Variants in IL1RAPL2 observed in about 807,000 individuals in gnomAD.
The protein encoded by IL1RAPL2 is interleukin 1 receptor accessory protein like 2.
IL1RAPL2 carries 3 observed loss-of-function variants against 44.1 expected under a neutral mutation model. The observed-to-expected ratio is 0.07, with a 90% CI of 0.03 to 0.18. IL1RAPL2 has a LOEUF of 0.18. Ranked by LOEUF, IL1RAPL2 falls within the 10% of genes least tolerant of loss-of-function variation. IL1RAPL2 has a pLI of 1.00. For missense variants in IL1RAPL2, 391 were observed against 496.4 expected (o/e 0.79, Z 2.02); for synonymous variants, 181 against 178.8 (o/e 1.01, Z -0.10).
chrX:104,705,183 G>A (rs751775923), intron 2 of IL1RAPL2, among the ~76,000 whole-genome samples: 1 of 111,600 alleles, frequency 9.0e-6, no homozygotes, highest in African/African-American at 3.2e-5. Flanking sequence ...TTTGATACAG[G>A]TACCATTTGT....
intron 2 of IL1RAPL2, among the ~76,000 whole-genome samples, chrX:104,910,153 A>T (rs1356260942): frequency 1.8e-5 from 2 of 112,336 alleles, no homozygotes; most frequent in East Asian, 5.6e-4. Context: ...TGACTAGGAA[A>T]GGGAACTCCC....
intron 2 of IL1RAPL2, among the ~76,000 whole-genome samples, chrX:104,786,920 TC>T (rs1455522363): frequency 3.9e-4 from 1 of 2,542 alleles, no homozygotes; most frequent in Non-Finnish European, 9.9e-4. Flanking sequence ...TCATTCATAT[TC>T]TCTCTCTCTC....
chrX:105,738,345 C>T (rs921618809), intron 7 of IL1RAPL2, among the ~76,000 whole-genome samples: 2 of 111,090 alleles, frequency 1.8e-5, no homozygotes, highest in African/African-American at 6.5e-5. Context: ...ATTAAGGCAC[C>T]ATTGAGTTAA....
intron 2 of IL1RAPL2, among the ~76,000 whole-genome samples, chrX:105,072,315 C>G (rs1406679215): frequency 9.0e-6 from 1 of 111,562 alleles, no homozygotes; most frequent in Non-Finnish European, 1.9e-5. Context: ...TATAAACTAC[C>G]CAGTCTTGGG....
At chrX:105,437,802 A>G (rs920141798) in intron 5 of IL1RAPL2, among the ~76,000 whole-genome samples, 2 of 111,832 alleles carry the variant, frequency 1.8e-5, no homozygotes, top group African/African-American at 6.5e-5. Flanking sequence ...GGTTAAAAAA[A>G]ATAGTTGAGT....
intron 5 of IL1RAPL2, among the ~76,000 whole-genome samples, chrX:105,291,536 A>G (rs1276517061): frequency 8.9e-6 from 1 of 111,861 alleles, no homozygotes; most frequent in Non-Finnish European, 1.9e-5. Context: ...TAGCTTTATT[A>G]AGGAAGTGAA....
intron 5 of IL1RAPL2, among the ~76,000 whole-genome samples, chrX:105,355,835 G>T (rs752602903): frequency 5.4e-5 from 6 of 111,226 alleles, no homozygotes; most frequent in Non-Finnish European, 9.4e-5. Context: ...ATAAATAGAT[G>T]AATAATCTAT....
chrX:104,909,049 A>T (rs1179794567), intron 2 of IL1RAPL2, among the ~76,000 whole-genome samples: 8 of 110,222 alleles, frequency 7.3e-5, no homozygotes, highest in South Asian at 7.7e-4. Flanking sequence ...ATTTCTTTTT[A>T]TTCTTTTTTC....
intron 1 of IL1RAPL2, among the ~76,000 whole-genome samples, chrX:104,654,592 G>C (rs1228418967): frequency 9.0e-6 from 1 of 111,519 alleles, no homozygotes; most frequent in Middle Eastern, 4.2e-3. Flanking sequence ...CTAATGATTT[G>C]AAATTAGGTA....
intron 6 of IL1RAPL2, among the ~76,000 whole-genome samples, chrX:105,700,073 T>C (rs1209829980): frequency 8.9e-6 from 1 of 111,760 alleles, no homozygotes; most frequent in Non-Finnish European, 1.9e-5. Flanking sequence ...TTTTCATTAA[T>C]TGTGGAAGTG....
At chrX:104,973,939 C>CT (rs1285389146) in intron 2 of IL1RAPL2, among the ~76,000 whole-genome samples, 1 of 111,947 alleles carries the variant, frequency 8.9e-6, no homozygotes, top group Admixed American at 9.5e-5. Context: ...TTATATCTCT[C>CT]TTTTTTACAC....
intron 2 of IL1RAPL2, among the ~76,000 whole-genome samples, chrX:104,730,373 C>CT (rs1295542381): frequency 4.1e-4 from 26 of 63,198 alleles, no homozygotes; most frequent in East Asian, 3.1e-3. Flanking sequence ...TCCCTCCCCT[C>CT]CCCCCCACCC....
At chrX:104,742,499 A>C (rs1932114203) in intron 2 of IL1RAPL2, among the ~76,000 whole-genome samples, 1 of 111,971 alleles carries the variant, frequency 8.9e-6, no homozygotes, top group Non-Finnish European at 1.9e-5. Context: ...ATTTCACAAT[A>C]ATACAGGGCT....
intron 1 of IL1RAPL2, among the ~76,000 whole-genome samples, chrX:104,621,440 C>CTGCA (rs1929399379): frequency 9.2e-6 from 1 of 108,906 alleles, no homozygotes; most frequent in Non-Finnish European, 1.9e-5. Flanking sequence ...TTGCTGGGTG[C>CTGCA]TGCAGCCTGC....
chrX:105,573,430 A>T (rs955715863), intron 6 of IL1RAPL2, among the ~76,000 whole-genome samples: 1 of 111,483 alleles, frequency 9.0e-6, no homozygotes, highest in Non-Finnish European at 1.9e-5. Context: ...TTGGACAGAG[A>T]TCAATTAGGA....
At chrX:104,728,120 AGAAT>A (rs1931833601) in intron 2 of IL1RAPL2, among the ~76,000 whole-genome samples, 1 of 111,432 alleles carries the variant, frequency 9.0e-6, no homozygotes, top group Non-Finnish European at 1.9e-5. Flanking sequence ...AAAAAGAAAA[AGAAT>A]GAGACCAAAA....
intron 1 of IL1RAPL2, among the ~76,000 whole-genome samples, chrX:104,637,318 C>T (rs1278127691): frequency 1.8e-5 from 2 of 111,261 alleles, no homozygotes; most frequent in Non-Finnish European, 3.8e-5. Context: ...TTATTTCTTT[C>T]TCTTACCTGA....
chrX:105,212,561 G>A (rs1261463467), intron 3 of IL1RAPL2, among the ~76,000 whole-genome samples: 2 of 112,014 alleles, frequency 1.8e-5, no homozygotes, highest in Non-Finnish European at 3.8e-5. Context: ...GTTCCTGCCT[G>A]CCTGCTCTGA....
chrX:104,886,399 C>A (rs1175930678), intron 2 of IL1RAPL2, among the ~76,000 whole-genome samples: 1 of 111,770 alleles, frequency 8.9e-6, no homozygotes, highest in Admixed American at 9.5e-5. Context: ...CTAAAAGACC[C>A]CACCACTTTT....
Sources: gnomAD v4.1 joint callset for allele counts (sites outside exome capture counted in the v4.1 genomes callset) on GRCh38, gnomAD v4.1.1 for gene constraint, MANE v1.5 for transcripts, NCBI Gene and HGNC (gene_info 2026-07-23, HGNC 2026-07-21) for gene names.